LSAMP: variants seen among roughly 807,000 people sequenced by gnomAD.
The protein encoded by LSAMP is limbic system associated membrane protein.
In LSAMP, 7 loss-of-function variants were observed where a neutral mutation model predicts 38.6. The observed-to-expected ratio is 0.18, with a 90% CI of 0.10 to 0.34. The LOEUF (loss-of-function observed/expected upper bound fraction) is 0.34, where lower values mean the gene tolerates loss of function less well. LSAMP is among the 10% of genes least tolerant of loss of function. The pLI, the probability that LSAMP is intolerant of heterozygous loss-of-function variation, is 1.00. For missense variants in LSAMP, 313 were observed against 420.0 expected (o/e 0.75, Z 2.23); for synonymous variants, 154 against 166.8 (o/e 0.92, Z 0.59).
intron 4 of LSAMP, among the ~76,000 whole-genome samples, chr3:115,845,363 T>A (rs1404905636): frequency 6.6e-6 from 1 of 152,216 alleles, no homozygotes; most frequent in East Asian, 1.9e-4. Flanking sequence ...AAATAAATTT[T>A]AACTACTGTT....
intron 3 of LSAMP, among the ~76,000 whole-genome samples, chr3:115,904,525 C>A (rs908167542): frequency 6.6e-6 from 1 of 152,066 alleles, no homozygotes; most frequent in African/African-American, 2.4e-5. Context: ...AAAATAGCAA[C>A]CAAACACTTT....
At chr3:116,284,294 C>G (rs930850602) in intron 1 of LSAMP, among the ~76,000 whole-genome samples, 2 of 152,066 alleles carry the variant, frequency 1.3e-5, no homozygotes, top group Admixed American at 1.3e-4. Flanking sequence ...ATTCAAAGTT[C>G]TATGCCAAAA....
At chr3:116,016,555 C>T (rs1323485158) in intron 3 of LSAMP, among the ~76,000 whole-genome samples, 2 of 152,122 alleles carry the variant, frequency 1.3e-5, no homozygotes, top group African/African-American at 4.8e-5. Context: ...GTCCTATGTC[C>T]CAAGCTATGG....
chr3:116,034,205 C>T (rs1940995975), intron 2 of LSAMP, among the ~76,000 whole-genome samples: 1 of 152,056 alleles, frequency 6.6e-6, no homozygotes, highest in Non-Finnish European at 1.5e-5. Context: ...CCTTTGTTCT[C>T]AGTGAGCCAC....
chr3:116,065,667 T>C (rs1225243105), intron 2 of LSAMP, among the ~76,000 whole-genome samples: 1 of 152,234 alleles, frequency 6.6e-6, no homozygotes, highest in Non-Finnish European at 1.5e-5. Flanking sequence ...AAGTATTTTG[T>C]CTCAGCAGTT....
chr3:116,104,278 TGCGAA>T (rs1351449034), intron 1 of LSAMP, among the ~76,000 whole-genome samples: 20 of 152,108 alleles, frequency 1.3e-4, no homozygotes, highest in Admixed American at 1.3e-3. Flanking sequence ...ACATATTCAA[TGCGAA>T]ACAGTGTAGC....
intron 6 of LSAMP, chr3:115,838,010 A>G (rs1255579124): frequency 2.6e-5 from 4 of 152,278 alleles, no homozygotes; most frequent in Non-Finnish European, 4.4e-5. Flanking sequence ...GCCTCCCAGG[A>G]GTCAGAGACC....
At chr3:115,856,939 AGCTAAGTATTGAAAAGTG>A (rs1375116360) in intron 3 of LSAMP, among the ~76,000 whole-genome samples, 1 of 152,216 alleles carries the variant, frequency 6.6e-6, no homozygotes, top group Non-Finnish European at 1.5e-5. Flanking sequence ...AAGAGAATAG[AGCTAAGTATTGAAAAGTG>A]GCTAAGTATT....
intron 1 of LSAMP, among the ~76,000 whole-genome samples, chr3:116,087,992 C>G (rs1708030964): frequency 6.6e-6 from 1 of 150,838 alleles, no homozygotes; most frequent in South Asian, 2.1e-4. Context: ...CTACTGAGCT[C>G]AAGCAATCCT....
intron 1 of LSAMP, among the ~76,000 whole-genome samples, chr3:116,307,062 G>T (rs1222352931): frequency 6.6e-6 from 1 of 151,972 alleles, no homozygotes; most frequent in Non-Finnish European, 1.5e-5. Flanking sequence ...CCATCACTAA[G>T]CAAGAAAAGA....
chr3:115,983,015 T>C (rs1056166286), intron 3 of LSAMP, among the ~76,000 whole-genome samples: 1 of 151,212 alleles, frequency 6.6e-6, no homozygotes, highest in African/African-American at 2.4e-5. Context: ...AATTTAAAAG[T>C]AATGCTATGG....
At chr3:116,093,156 G>T (rs1576358188) in intron 1 of LSAMP, among the ~76,000 whole-genome samples, 2 of 152,160 alleles carry the variant, frequency 1.3e-5, no homozygotes, top group African/African-American at 4.8e-5. Context: ...TTAGATAAGT[G>T]GTCCCAAGTG....
At chr3:116,258,779 A>G (rs568771250) in intron 1 of LSAMP, among the ~76,000 whole-genome samples, 3 of 152,294 alleles carry the variant, frequency 2.0e-5, no homozygotes, top group Admixed American at 2.0e-4. Flanking sequence ...AGATAGGCAC[A>G]TACTTCTAAA....
chr3:116,216,174 C>T (rs1045246393), intron 1 of LSAMP, among the ~76,000 whole-genome samples: 1 of 151,950 alleles, frequency 6.6e-6, no homozygotes, highest in Non-Finnish European at 1.5e-5. Context: ...ATGTGATATC[C>T]CTTTAATTTA....
intron 1 of LSAMP, among the ~76,000 whole-genome samples, chr3:116,200,052 A>G (rs1287159729): frequency 1.3e-5 from 2 of 151,700 alleles, no homozygotes; most frequent in Non-Finnish European, 2.9e-5. Context: ...AAAAATGGGG[A>G]GAAAGGTACC....
chr3:116,303,645 T>C (rs1474649202), intron 1 of LSAMP, among the ~76,000 whole-genome samples: 2 of 152,208 alleles, frequency 1.3e-5, no homozygotes, highest in African/African-American at 4.8e-5. Context: ...GGCATCTTCA[T>C]GATCTGAACA....
chr3:116,246,128 T>C lies in LSAMP; in HGVS notation c.156-159572A>G. ...CCGCCAATTAATGAGTAGTAGAACC[T>C]TAATTCAAGTTTCCCAAACAAAAGT... is the stretch of plus-strand genomic sequence containing the variant. On this transcript the variant is annotated intron_variant, in intron 1 of 6. Coordinates refer to ENST00000490035, the MANE Select transcript of LSAMP (RefSeq NM_002338.5). Among the ~76,000 whole-genome samples, 2 of 152,204 alleles carry C rather than the reference T, an allele frequency of 1.3e-5. 1 individual carries two copies. The highest frequency in any genetic ancestry group is 2.9e-5 in the Non-Finnish European group (2 of 68,030).
chr3:116,270,656 C>T (rs1447172915), intron 1 of LSAMP, among the ~76,000 whole-genome samples: 1 of 152,040 alleles, frequency 6.6e-6, no homozygotes, highest in Non-Finnish European at 1.5e-5. Flanking sequence ...TGTGAACTGC[C>T]CAGGGGGCCT....
intron 1 of LSAMP, among the ~76,000 whole-genome samples, chr3:116,171,840 C>T (rs890036201): frequency 6.6e-6 from 1 of 151,944 alleles, no homozygotes; most frequent in Non-Finnish European, 1.5e-5. Flanking sequence ...ATTTATTTAT[C>T]TCTATCTCTT....
Sources: gnomAD v4.1 joint callset for allele counts (sites outside exome capture counted in the v4.1 genomes callset) on GRCh38, gnomAD v4.1.1 for gene constraint, MANE v1.5 for transcripts, NCBI Gene and HGNC (gene_info 2026-07-23, HGNC 2026-07-21) for gene names.